Variants in PIK3AP1 observed in about 807,000 individuals in gnomAD.
PIK3AP1 encodes phosphoinositide 3-kinase adapter protein 1.
In PIK3AP1, 21 loss-of-function variants were observed where a neutral mutation model predicts 88.1. The ratio of observed to expected loss-of-function variants is 0.24; its 90% confidence interval spans 0.17 to 0.34. The LOEUF (loss-of-function observed/expected upper bound fraction) is 0.34, where lower values mean the gene tolerates loss of function less well. PIK3AP1 is among the 10% of genes least tolerant of loss of function. The pLI, the probability that PIK3AP1 is intolerant of heterozygous loss-of-function variation, is 1.00. For synonymous variants in PIK3AP1, 398 were observed against 400.0 expected (o/e 1.00, Z 0.06); for missense variants, 828 against 1,035.7 (o/e 0.80, Z 2.75).
At chr10:96,716,394 C>A (rs1207114792) in intron 1 of PIK3AP1, among the ~76,000 whole-genome samples, 2 of 152,174 alleles carry the variant, frequency 1.3e-5, no homozygotes, top group Non-Finnish European at 2.9e-5. Context: ...TTAATTACTG[C>A]CTCAGACTAG....
intron 10 of PIK3AP1, among the ~76,000 whole-genome samples, chr10:96,623,913 T>C (rs1157391839): frequency 1.3e-5 from 2 of 152,128 alleles, no homozygotes; most frequent in Non-Finnish European, 2.9e-5. Context: ...AAGACAGAAC[T>C]CTAAGCAGTA....
intron 6 of PIK3AP1, among the ~76,000 whole-genome samples, chr10:96,650,951 A>G (rs1843528745): frequency 6.6e-6 from 1 of 152,230 alleles, no homozygotes; most frequent in Non-Finnish European, 1.5e-5. Context: ...TGCTATCCCT[A>G]TGAGGAATAA....
intron 7 of PIK3AP1, among the ~76,000 whole-genome samples, chr10:96,647,579 C>T (rs116596617): frequency 3.9e-4 from 60 of 152,076 alleles, no homozygotes; most frequent in African/African-American, 1.1e-3. Context: ...GTGTCAGTGA[C>T]GCCCAAAAAA....
At chr10:96,661,777 AAGGAAAGGACAGGATAGGAC>A (rs1843689167) in intron 2 of PIK3AP1, among the ~76,000 whole-genome samples, 2 of 146,942 alleles carry the variant, frequency 1.4e-5, no homozygotes, top group South Asian at 4.4e-4. Context: ...ACACTGAGAA[AAGGAAAGGACAGGATAGGAC>A]AGGACAGGAC....
chr10:96,615,974 T>C (rs1281508310), intron 13 of PIK3AP1, among the ~76,000 whole-genome samples: 1 of 152,214 alleles, frequency 6.6e-6, no homozygotes, highest in African/African-American at 2.4e-5. Flanking sequence ...CTCCTCTTGC[T>C]ATAAGGCTGG....
chr10:96,706,104 A>C (rs1422039454), intron 2 of PIK3AP1, among the ~76,000 whole-genome samples: 1 of 151,668 alleles, frequency 6.6e-6, no homozygotes, highest in East Asian at 1.9e-4. Context: ...CGTGTTAGCC[A>C]GGATGGTCTC....
At chr10:96,625,893 C>T (rs943728172) in intron 10 of PIK3AP1, among the ~76,000 whole-genome samples, 2 of 152,060 alleles carry the variant, frequency 1.3e-5, no homozygotes, top group Admixed American at 6.6e-5. Flanking sequence ...GGACTCAGTG[C>T]GGGCCATCAC....
intron 2 of PIK3AP1, among the ~76,000 whole-genome samples, chr10:96,675,729 G>A (rs1564980177): frequency 6.6e-6 from 1 of 152,098 alleles, no homozygotes; most frequent in Non-Finnish European, 1.5e-5. Context: ...TACCTCTCAG[G>A]ACTGTTATTG....
At chr10:96,629,936 G>A (rs868106963) in intron 8 of PIK3AP1, among the ~76,000 whole-genome samples, 1,334 of 45,296 alleles carry the variant, frequency 0.029, 3 homozygotes, top group Non-Finnish European at 0.046. Flanking sequence ...AAAAAAAGAA[G>A]AAGAAGAAGA....
At chr10:96,684,644 C>T (rs768787896) in intron 2 of PIK3AP1, among the ~76,000 whole-genome samples, 11 of 152,184 alleles carry the variant, frequency 7.2e-5, no homozygotes, top group Non-Finnish European at 1.6e-4. Flanking sequence ...ACCAATGAAC[C>T]TGTGCTGGCA....
rs183936417 is a variant in PIK3AP1 at position 96,635,686 on chromosome 10, C to T, written c.1376-7193G>A. ...TTGGGAGGCCAAGACAGGAGGATCA[C>T]CTGACGTCAGGAGTTCAAGACTAGC... On this transcript the variant is annotated intron_variant, in intron 8 of 16. Transcript: ENST00000339364. Among the ~76,000 whole-genome samples, 8 of 152,074 alleles carry T rather than the reference C, an allele frequency of 5.3e-5. No individual in the cohort carries two copies. In the South Asian group the frequency reaches 8.3e-4, roughly 16 times the overall value.
At position 96,648,915 on chromosome 10, in the gene PIK3AP1, G is replaced by A. The variant is rs527445074; in HGVS notation, c.989-60C>T. ...AAAAATAAAGGCACAGGGTGCCCTT[G>A]TTCATGGAGATGAAGCTGCCAAGAC... On this transcript the variant is annotated intron_variant, in intron 6 of 16. Transcript: ENST00000339364. 1.7e-4 allele frequency: 243 copies of A among 1,395,928 alleles called. 2 individuals are homozygous for A. The African/African-American group carries it at 3.2e-3, about 18-fold the overall frequency. The allele number at this position is 1,395,928 out of a possible 1,614,324, so 86.5% of individuals were successfully genotyped here. A position where few individuals can be genotyped will look rare whatever the true frequency, so the allele number is the denominator to read the frequency against.
At chr10:96,677,391 G>A (rs1046000903) in intron 2 of PIK3AP1, among the ~76,000 whole-genome samples, 1 of 152,034 alleles carries the variant, frequency 6.6e-6, no homozygotes, top group African/African-American at 2.4e-5. Flanking sequence ...CATATCCCGA[G>A]GTCAACTGTT....
At chr10:96,607,134 T>C (rs529786575) in intron 14 of PIK3AP1, among the ~76,000 whole-genome samples, 1 of 152,294 alleles carries the variant, frequency 6.6e-6, no homozygotes, top group South Asian at 2.1e-4. Context: ...ACAGTGTTTT[T>C]TTTAGGGTGT....
intron 8 of PIK3AP1, among the ~76,000 whole-genome samples, chr10:96,629,833 G>A (rs1490379706): frequency 1.4e-5 from 2 of 143,270 alleles, no homozygotes; most frequent in South Asian, 4.5e-4. Context: ...GGTCAAGGCA[G>A]CAATGAACTG....
rs753935989 is a variant in PIK3AP1, at chr10:96,609,694, G to A, written c.2170+18C>T. ...GCCCAGTCAAGAAGACCCCACCCCC[G>A]CACCCCCAGCTGCTCACTTGCTGTG... On this transcript the variant is annotated intron_variant, in intron 14 of 16. Coordinates refer to ENST00000339364, the MANE Select transcript of PIK3AP1 (RefSeq NM_152309.3). 1.2e-5 allele frequency: 20 copies of A among 1,606,910 alleles called. No homozygotes were observed. Among genetic ancestry groups the A allele is most frequent in the South Asian group, 6.7e-5 (6 of 90,198 alleles).
At chr10:96,661,816 ACAGGACAGGACAGG>A (rs1843690784) in intron 2 of PIK3AP1, among the ~76,000 whole-genome samples, 1 of 147,030 alleles carries the variant, frequency 6.8e-6, no homozygotes, top group Non-Finnish European at 1.5e-5. Context: ...ACAGGACAGG[ACAGGACAGGACAGG>A]AAAGGAAAGG....
At chr10:96,638,781 C>A (rs1047760925) in intron 8 of PIK3AP1, among the ~76,000 whole-genome samples, 5 of 152,198 alleles carry the variant, frequency 3.3e-5, no homozygotes, top group Admixed American at 1.3e-4. Flanking sequence ...TCCTCCACAG[C>A]ACTGTCACAG....
intron 2 of PIK3AP1, among the ~76,000 whole-genome samples, chr10:96,693,812 T>C (rs1478306124): frequency 6.6e-6 from 1 of 152,242 alleles, no homozygotes; most frequent in African/African-American, 2.4e-5. Context: ...AACATATTAA[T>C]ATATGCACAT....
Sources: allele counts gnomAD v4.1 joint callset (sites outside exome capture counted in the v4.1 genomes callset), GRCh38; gene constraint gnomAD v4.1.1; transcripts MANE v1.5; gene names NCBI Gene and HGNC (gene_info 2026-07-23, HGNC 2026-07-21).